The following ARHGAP32 variants were observed in gnomAD, a reference collection of about 807,000 sequenced individuals.
ARHGAP32 encodes Rho GTPase activating protein 32, also known as rho GTPase-activating protein 32.
ARHGAP32 carries 51 observed loss-of-function variants against 186.5 expected under a neutral mutation model. The ratio of observed to expected loss-of-function variants is 0.27; its 90% CI spans 0.22 to 0.35. The LOEUF (loss-of-function observed/expected upper bound fraction) is 0.35. Among genes scored for constraint, ARHGAP32 ranks in the 10% least tolerant of loss-of-function variants. The probability of loss-of-function intolerance (pLI) is 1.00; values close to 1 mark genes in which losing one functional copy is unlikely to be tolerated. For missense variants in ARHGAP32, 2,186 were observed against 2,623.5 expected (o/e 0.83, Z 3.64); for synonymous variants, 950 against 964.3 (o/e 0.99, Z 0.27).
intron 5 of ARHGAP32, among the ~76,000 whole-genome samples, chr11:129,114,970 C>A (rs1251167318): frequency 6.6e-6 from 1 of 152,082 alleles, no homozygotes; most frequent in African/African-American, 2.4e-5. Context: ...CACCCACCCA[C>A]AGAAGAAACC....
At chr11:129,066,296 T>G (rs996980665) in intron 7 of ARHGAP32, among the ~76,000 whole-genome samples, 1 of 152,106 alleles carries the variant, frequency 6.6e-6, no homozygotes. Flanking sequence ...AATGATGCTA[T>G]AAAGAATCTC....
chr11:129,007,840 A>C (rs1158470223), intron 11 of ARHGAP32, among the ~76,000 whole-genome samples: 1 of 152,090 alleles, frequency 6.6e-6, no homozygotes, highest in African/African-American at 2.4e-5. Flanking sequence ...AAATTTATTC[A>C]AGGCCCCAGA....
chr11:129,144,314 T>A (rs1185232506), intron 2 of ARHGAP32, among the ~76,000 whole-genome samples: 1 of 152,176 alleles, frequency 6.6e-6, no homozygotes, highest in Non-Finnish European at 1.5e-5. Context: ...TGGCAATAAT[T>A]ATTTAAAATA....
intron 1 of ARHGAP32, among the ~76,000 whole-genome samples, chr11:129,199,970 T>C (rs1944439027): frequency 6.6e-6 from 1 of 152,174 alleles, no homozygotes; most frequent in Admixed American, 6.5e-5. Flanking sequence ...TGAGACATGG[T>C]GTCAAAGGAG....
chr11:129,072,100 G>A (rs1476468883), intron 6 of ARHGAP32, among the ~76,000 whole-genome samples: 2 of 152,120 alleles, frequency 1.3e-5, no homozygotes, highest in African/African-American at 4.8e-5. Context: ...TTGTAGTTAG[G>A]AGGAATAAGT....
intron 6 of ARHGAP32, among the ~76,000 whole-genome samples, chr11:129,074,989 T>C (rs1940991909): frequency 6.6e-6 from 1 of 152,102 alleles, no homozygotes; most frequent in Non-Finnish European, 1.5e-5. Context: ...CATATCAAAA[T>C]ATCACATTCT....
chr11:129,173,352 AG>A (rs1319186474), intron 1 of ARHGAP32, among the ~76,000 whole-genome samples: 2 of 151,838 alleles, frequency 1.3e-5, no homozygotes, highest in African/African-American at 4.8e-5. Flanking sequence ...AGAAAAGCCC[AG>A]GACCAGACGG....
chr11:129,065,261 C>T (rs977378360), intron 7 of ARHGAP32, among the ~76,000 whole-genome samples: 3 of 152,032 alleles, frequency 2.0e-5, no homozygotes, highest in Non-Finnish European at 4.4e-5. Flanking sequence ...GCCTAAATTT[C>T]CCCCTACTAC....
intron 12 of ARHGAP32, among the ~76,000 whole-genome samples, chr11:128,990,334 G>C (rs1946012168): frequency 6.6e-6 from 1 of 151,836 alleles, no homozygotes; most frequent in African/African-American, 2.4e-5. Flanking sequence ...TCTGACTGTG[G>C]GCTCTTCAAG....
At chr11:129,106,026 T>C (rs1354882245) in intron 5 of ARHGAP32, among the ~76,000 whole-genome samples, 1 of 152,132 alleles carries the variant, frequency 6.6e-6, no homozygotes, top group Non-Finnish European at 1.5e-5. Flanking sequence ...ACAACAGATG[T>C]TGGTGAGGCT....
chr11:129,156,434 G>C (rs1316921834), intron 2 of ARHGAP32, among the ~76,000 whole-genome samples: 1 of 152,168 alleles, frequency 6.6e-6, no homozygotes, highest in Non-Finnish European at 1.5e-5. Context: ...ACCGAGGCTT[G>C]AACAGGCAAT....
chr11:129,043,393 T>TC (rs1939680091), intron 10 of ARHGAP32, among the ~76,000 whole-genome samples: 1 of 147,698 alleles, frequency 6.8e-6, no homozygotes, highest in African/African-American at 2.5e-5. Context: ...TTTTTTTTTT[T>TC]TTTTTTTTGC....
At chr11:129,126,248 A>G (rs935633979) in intron 2 of ARHGAP32, among the ~76,000 whole-genome samples, 9 of 152,350 alleles carry the variant, frequency 5.9e-5, no homozygotes, top group African/African-American at 1.9e-4. Flanking sequence ...CCACTATTCA[A>G]TTCTGCTATT....
At chr11:129,025,154 T>G (rs1181556203) in intron 11 of ARHGAP32, among the ~76,000 whole-genome samples, 1 of 152,172 alleles carries the variant, frequency 6.6e-6, no homozygotes, top group Non-Finnish European at 1.5e-5. Context: ...CCTAATCTAA[T>G]GAAGGCAGTT....
intron 11 of ARHGAP32, chr11:129,024,152 C>T: frequency 1.0e-6 from 1 of 985,384 alleles, no homozygotes; most frequent in East Asian, 1.1e-4. Context: ...GAGAGCTCTG[C>T]CTCCAGGAGC....
At chr11:129,004,840 A>G (rs1937678169) in intron 11 of ARHGAP32, among the ~76,000 whole-genome samples, 1 of 151,908 alleles carries the variant, frequency 6.6e-6, no homozygotes, top group African/African-American at 2.4e-5. Flanking sequence ...TATGTCTTTT[A>G]TTGAAGAGTT....
intron 1 of ARHGAP32, among the ~76,000 whole-genome samples, chr11:129,241,963 A>G (rs1056758469): frequency 6.6e-6 from 1 of 152,236 alleles, no homozygotes; most frequent in African/African-American, 2.4e-5. Flanking sequence ...AAGCTGAAAG[A>G]GCTGAAAAAC....
chr11:129,182,054 C>T (rs747484132), intron 1 of ARHGAP32, among the ~76,000 whole-genome samples: 11 of 152,094 alleles, frequency 7.2e-5, no homozygotes, highest in Non-Finnish European at 1.5e-4. Flanking sequence ...ACCTTGTTTT[C>T]CTCTAACTTT....
In ARHGAP32 at chr11:129,255,873, G is replaced by A. The variant is rs144087343; in HGVS notation, c.-5+23273C>T. On this transcript the variant is annotated intron_variant, in intron 1 of 6. Coordinates refer to the ARHGAP32 transcript ENST00000525234. ...AGTATACATTCAACAGAATGCTTAC[G>A]TATGTTTACCAAAAGATATGTTGTA... Among the ~76,000 whole-genome samples the A allele has an allele frequency of 3.0e-3, 461 of 152,152 alleles. 1 individual carries two copies. The highest frequency in any genetic ancestry group is 5.0e-3 in the Admixed American group (77 of 15,258).
Sources: allele counts gnomAD v4.1 joint callset (sites outside exome capture counted in the v4.1 genomes callset), GRCh38; gene constraint gnomAD v4.1.1; transcripts MANE v1.5; gene names NCBI Gene and HGNC (gene_info 2026-07-23, HGNC 2026-07-21).